DSC3: variants seen among roughly 807,000 people sequenced by gnomAD.
DSC3 encodes desmocollin 3.
DSC3 carries 97 observed loss-of-function variants against 89.5 expected under a neutral mutation model. That is an observed-to-expected ratio of 1.08 (90% CI 0.92 to 1.28). The LOEUF is 1.28. DSC3 is among the 50% of genes most tolerant of loss of function. The probability of loss-of-function intolerance (pLI) is 0.00; values close to 1 mark genes in which losing one functional copy is unlikely to be tolerated. For synonymous variants in DSC3, 436 were observed against 384.1 expected (o/e 1.14, Z -1.58); for missense variants, 1,199 against 1,085.3 (o/e 1.10, Z -1.47).
intron 9 of DSC3, among the ~76,000 whole-genome samples, chr18:31,014,976 C>T (rs910909727): frequency 1.3e-4 from 20 of 152,014 alleles, no homozygotes; most frequent in Admixed American, 7.9e-4. Context: ...ATAATAACAC[C>T]TTGTCATATA....
intron 15 of DSC3, chr18:30,994,620 AT>A: frequency 2.9e-6 from 2 of 697,294 alleles, no homozygotes; most frequent in South Asian, 3.2e-5. Flanking sequence ...ATTTAAGTAC[AT>A]TCAAGTTGTC....
intron 1 of DSC3, among the ~76,000 whole-genome samples, chr18:31,033,443 T>A (rs1481923707): frequency 6.6e-6 from 1 of 152,118 alleles, no homozygotes; most frequent in African/African-American, 2.4e-5. Flanking sequence ...AGAACTTAAA[T>A]CCCAGAAATA....
At chr18:31,018,918 T>G in intron 7 of DSC3, 118 bp from the exon 8 acceptor site, 1 of 988,214 alleles carries the variant, frequency 1.0e-6, no homozygotes, top group African/African-American at 1.6e-5. Flanking sequence ...TTCCGTGCTT[T>G]TACCTGATTT....
chr18:31,006,706 G>A (rs745698881), intron 12 of DSC3, among the ~76,000 whole-genome samples: 4 of 152,080 alleles, frequency 2.6e-5, no homozygotes, highest in African/African-American at 9.7e-5. Flanking sequence ...TGTAAATGTT[G>A]CCTTCATAAA....
At chr18:31,028,279 GT>G (rs1428332737) in intron 4 of DSC3, among the ~76,000 whole-genome samples, 1 of 152,050 alleles carries the variant, frequency 6.6e-6, no homozygotes, top group African/African-American at 2.4e-5. Flanking sequence ...AATGAAGTAA[GT>G]GGAAAACTAG....
At chr18:31,007,953 A>G in intron 11 of DSC3, 63 bp downstream of exon 11, 2 of 1,437,762 alleles carry the variant, frequency 1.4e-6, no homozygotes, top group Non-Finnish European at 1.9e-6. Context: ...AATCTGCATA[A>G]GAATAATTAC....
At chr18:31,020,816 C>A (rs1385477557) in intron 7 of DSC3, among the ~76,000 whole-genome samples, 1 of 152,010 alleles carries the variant, frequency 6.6e-6, no homozygotes, top group East Asian at 1.9e-4. Flanking sequence ...GGTGGTGTGT[C>A]CTGTAATCCC....
chr18:31,023,435 C>CA (rs1491484209), intron 6 of DSC3, among the ~76,000 whole-genome samples: 1 of 152,220 alleles, frequency 6.6e-6, no homozygotes, highest in South Asian at 2.1e-4. Flanking sequence ...TGTAAACCTT[C>CA]ACTACACACA....
intron 7 of DSC3, among the ~76,000 whole-genome samples, chr18:31,020,644 C>T (rs1429732953): frequency 1.3e-5 from 2 of 152,008 alleles, no homozygotes; most frequent in South Asian, 4.1e-4. Context: ...CCCTTCCATA[C>T]TGAAAGTCAA....
chr18:31,027,679 G>T (rs574474126), intron 4 of DSC3, among the ~76,000 whole-genome samples: 7 of 152,180 alleles, frequency 4.6e-5, no homozygotes, highest in African/African-American at 1.7e-4. Context: ...GTGGCACTTT[G>T]GTTCTCAGAA....
chr18:31,009,402 A>G (rs76912150), intron 9 of DSC3, among the ~76,000 whole-genome samples: 6,429 of 152,026 alleles, frequency 0.042, 203 homozygotes, highest in South Asian at 0.14. Flanking sequence ...GAGCCATCTA[A>G]TTGCTGCTTT....
chr18:30,998,614 A>G (rs1348860385), intron 14 of DSC3, among the ~76,000 whole-genome samples: 1 of 152,196 alleles, frequency 6.6e-6, no homozygotes, highest in Non-Finnish European at 1.5e-5. Flanking sequence ...AAAAAGGGCT[A>G]AGGATAGAAC....
chr18:31,028,293 G>A (rs745395913), intron 4 of DSC3, among the ~76,000 whole-genome samples: 26 of 152,020 alleles, frequency 1.7e-4, no homozygotes, highest in South Asian at 1.2e-3. Context: ...AAAACTAGAC[G>A]AATGGTGTCC....
At chr18:31,022,590 T>A in intron 6 of DSC3, 88 bp from the exon 7 acceptor site, 1 of 1,450,056 alleles carries the variant, frequency 6.9e-7, no homozygotes, top group Non-Finnish European at 9.5e-7. Flanking sequence ...ATGTTAACAG[T>A]GATGATAGAA....
rs1984495099 is a variant in DSC3 at position 30,996,954 on chromosome 18, T to G, written c.2330A>C (p.Glu777Ala). ...MGSGMKNGGQ[E>A]TIEMMKGGNQ... is the part of the protein sequence containing the mutation. ...TCCTCCTTTCATCATTTCAATGGTT[T>G]CCTGCCCTCCATTTTTCATTCCTGA... Residue 777 changes from glutamate (E) to alanine (A), a missense_variant, in exon 15 of 16, where the codon GAA (glutamate) becomes GCA (alanine). By Grantham distance (107) the Glu-to-Ala change is moderately radical. Transcript: ENST00000360428. 6.2e-7 allele frequency: 1 copy of G among 1,614,054 alleles called. No homozygotes were observed. Among genetic ancestry groups the G allele is most frequent in the South Asian group, 1.1e-5 (1 of 91,088 alleles).
At chr18:31,036,575 A>C (rs888768586) in intron 1 of DSC3, among the ~76,000 whole-genome samples, 30 of 151,812 alleles carry the variant, frequency 2.0e-4, no homozygotes, top group African/African-American at 7.3e-4. Context: ...TTTTTTTTAA[A>C]GTAGTATTTT....
Position 31,029,633 on chromosome 18 carries a change from AT to A in DSC3, c.355-6del. The A allele has an allele frequency of 2.5e-6, 4 of 1,613,646 alleles. No individual in the cohort carries two copies. In the South Asian group the frequency reaches 4.4e-5, roughly 18 times the overall value. ...AGTGTGTCTTGTCTTCGATACCTGA[AT>A]TTAGAGAAAAACAAATACATGAATA... On this transcript the variant is annotated splice_region_variant and splice_polypyrimidine_tract_variant and intron_variant, in intron 3 of 15. Transcript: ENST00000360428.
At chr18:31,003,300 G>A (rs1598601347) in intron 13 of DSC3, among the ~76,000 whole-genome samples, 1 of 152,170 alleles carries the variant, frequency 6.6e-6, no homozygotes, top group East Asian at 1.9e-4. Context: ...ACTGTCACAA[G>A]GCAGAATGAT....
intron 6 of DSC3, among the ~76,000 whole-genome samples, chr18:31,023,833 G>A (rs1192921402): frequency 3.3e-5 from 5 of 152,070 alleles, no homozygotes; most frequent in African/African-American, 4.8e-5. Flanking sequence ...TTTGATGTAA[G>A]TTTCTCTGAA....
Sources: allele counts gnomAD v4.1 joint callset (sites outside exome capture counted in the v4.1 genomes callset), GRCh38; gene constraint gnomAD v4.1.1; transcripts MANE v1.5; gene names NCBI Gene and HGNC (gene_info 2026-07-23, HGNC 2026-07-21).